IFT43: variants seen among roughly 807,000 people sequenced by gnomAD.
The protein encoded by IFT43 is intraflagellar transport 43.
IFT43 carries 33 observed loss-of-function variants against 32.3 expected under a neutral mutation model. The observed-to-expected ratio is 1.02, with a 90% confidence interval of 0.77 to 1.37. The LOEUF is 1.37. IFT43 is among the 40% of genes most tolerant of loss of function. The probability of loss-of-function intolerance (pLI) is 0.00; values close to 1 mark genes in which losing one functional copy is unlikely to be tolerated. For synonymous variants in IFT43, 93 were observed against 98.2 expected (o/e 0.95, Z 0.31); for missense variants, 274 against 265.9 (o/e 1.03, Z -0.21).
chr14:76,062,938 A>AAAAAAAGAAAAAAG lies in IFT43; in HGVS notation c.295+3568_295+3569insAAAGAAAAAAGAAA, dbSNP rs1485146040. Among the ~76,000 whole-genome samples, 352 of 120,750 alleles carry AAAAAAAGAAAAAAG rather than the reference A, an allele frequency of 2.9e-3. 20 individuals carry two copies. The highest frequency in any genetic ancestry group is 4.4e-3 in the African/African-American group (133 of 30,426). 79.2% of individuals were successfully genotyped at this position (120,750 alleles called of 152,430 possible). A position where few individuals can be genotyped will look rare whatever the true frequency, so the allele number is the denominator to read the frequency against. ...ATCTCAAAAAAAAAAAAAAAAAAAA[A>AAAAAAAGAAAAAAG]AAAGAAAATACATTAAGTCAAACCA... On this transcript the variant is annotated intron_variant, in intron 5 of 8. Coordinates refer to ENST00000314067, the MANE Select transcript of IFT43 (RefSeq NM_001102564.3).
At chr14:76,013,647 G>T in intron 2 of IFT43, 1 of 254,976 alleles carries the variant, frequency 3.9e-6, no homozygotes, top group Non-Finnish European at 8.0e-6. Context: ...AAATCATATT[G>T]CTGGGGAAAG....
intron 2 of IFT43, among the ~76,000 whole-genome samples, chr14:76,015,497 G>T (rs977084631): frequency 6.6e-6 from 1 of 152,154 alleles, no homozygotes; most frequent in Non-Finnish European, 1.5e-5. Flanking sequence ...TGGAGGAAAT[G>T]AAAAGTAGCT....
rs144944750 is a variant in IFT43, at chr14:76,018,952, C to A, written c.148-3375C>A. 9.4e-3 allele frequency among the ~76,000 whole-genome samples: 1,436 copies of A among 152,040 alleles called. 19 individuals carry two copies. The highest frequency in any genetic ancestry group is 0.032 in the African/African-American group (1,339 of 41,516). On this transcript the variant is annotated intron_variant, in intron 2 of 8. Coordinates refer to ENST00000314067, the MANE Select transcript of IFT43 (RefSeq NM_001102564.3). ...TTCTTATAGGCAGCAAATAGTGATG[C>A]TTTTTAATTTAGCCAGCCAGTTTAG...
At chr14:76,021,649 A>G (rs528006063) in intron 2 of IFT43, among the ~76,000 whole-genome samples, 129 of 152,336 alleles carry the variant, frequency 8.5e-4, no homozygotes, top group Non-Finnish European at 1.3e-3. Context: ...CCTTATTGCT[A>G]GCAATTTTGG....
At chr14:75,998,363 G>A (rs531777788) in intron 2 of IFT43, among the ~76,000 whole-genome samples, 2 of 152,278 alleles carry the variant, frequency 1.3e-5, no homozygotes, top group South Asian at 2.1e-4. Context: ...GGCTGGAGCT[G>A]GAGATTTGGA....
intron 2 of IFT43, among the ~76,000 whole-genome samples, chr14:76,016,098 A>G (rs996609837): frequency 2.0e-5 from 3 of 152,286 alleles, no homozygotes; most frequent in African/African-American, 7.2e-5. Flanking sequence ...AATAGTTTGC[A>G]GATATCTTCT....
intron 2 of IFT43, among the ~76,000 whole-genome samples, chr14:76,008,530 G>T (rs2036020296): frequency 6.6e-6 from 1 of 152,110 alleles, no homozygotes; most frequent in African/African-American, 2.4e-5. Context: ...GTGGAGATAT[G>T]ATGAGCACAA....
At chr14:76,082,539 C>T in intron 6 of IFT43, 78 bp from the exon 7 acceptor site, 1 of 1,545,546 alleles carries the variant, frequency 6.5e-7, no homozygotes, top group Middle Eastern at 1.7e-4. Flanking sequence ...ATACAAGGTT[C>T]TGGGGACGGT....
rs958491714 is a variant in IFT43, at chr14:76,083,155, G to A, written c.445-72G>A. On this transcript the variant is annotated intron_variant, in intron 7 of 8. Transcript: ENST00000314067. ...GTTCTGACACACAAAAACTGATCCC[G>A]GTTTTGTGAGAAAGAGTTGCCTGAA... 7.7e-6 allele frequency: 12 copies of A among 1,554,614 alleles called. No homozygotes were observed. In the East Asian group the frequency reaches 1.1e-4, roughly 15 times the overall value.
chr14:76,072,610 G>T (rs188225408), intron 5 of IFT43, among the ~76,000 whole-genome samples: 1 of 152,166 alleles, frequency 6.6e-6, no homozygotes, highest in Non-Finnish European at 1.5e-5. Flanking sequence ...TGTTTTAAAC[G>T]AAGCAGGTTG....
intron 2 of IFT43, among the ~76,000 whole-genome samples, chr14:75,992,088 T>C (rs2139869475): frequency 6.6e-6 from 1 of 152,256 alleles, no homozygotes; most frequent in East Asian, 1.9e-4. Context: ...CATGCTGGAG[T>C]TACTTTAGAC....
At chr14:76,035,665 T>C (rs2036585201) in intron 3 of IFT43, among the ~76,000 whole-genome samples, 1 of 152,212 alleles carries the variant, frequency 6.6e-6, no homozygotes, top group African/African-American at 2.4e-5. Flanking sequence ...ATACGTTCTG[T>C]CCTTTTAAAC....
chr14:76,023,774 G>C (rs2036339066), intron 3 of IFT43, among the ~76,000 whole-genome samples: 1 of 152,196 alleles, frequency 6.6e-6, no homozygotes, highest in African/African-American at 2.4e-5. Context: ...TCCAGATCAA[G>C]AAAAGCAATG....
intron 2 of IFT43, among the ~76,000 whole-genome samples, chr14:75,990,156 G>A (rs2035608958): frequency 6.6e-6 from 1 of 152,220 alleles, no homozygotes; most frequent in Non-Finnish European, 1.5e-5. Context: ...CCTCTAAAGG[G>A]ACAACCACTA....
chr14:76,070,330 T>G (rs893813194), intron 5 of IFT43, among the ~76,000 whole-genome samples: 1 of 152,152 alleles, frequency 6.6e-6, no homozygotes, highest in Non-Finnish European at 1.5e-5. Context: ...ATATCCTTCA[T>G]CCCTTCTTCT....
Position 75,994,291 on chromosome 14 carries a change from G to A in IFT43, c.147+5314G>A, listed in dbSNP as rs184742867. ...GATTGTCTCCATACCCACTTAGGAC[G>A]TGGTGCCAGTAGGATGCCTGTGGTT... On this transcript the variant is annotated intron_variant, in intron 2 of 8. Coordinates refer to ENST00000314067, the MANE Select transcript of IFT43 (RefSeq NM_001102564.3). Among the ~76,000 whole-genome samples the A allele has an allele frequency of 7.9e-4, 120 of 152,184 alleles. 3 individuals are homozygous for A. Among genetic ancestry groups the A allele is most frequent in the Admixed American group, 6.6e-3 (101 of 15,288 alleles).
intron 2 of IFT43, among the ~76,000 whole-genome samples, chr14:75,989,280 C>T (rs995504527): frequency 1.3e-5 from 2 of 151,510 alleles, no homozygotes. Flanking sequence ...TTTTTATTTC[C>T]GCTGAATAAA....
At chr14:76,053,043 G>A (rs935271520) in intron 3 of IFT43, among the ~76,000 whole-genome samples, 6 of 152,084 alleles carry the variant, frequency 3.9e-5, no homozygotes, top group Non-Finnish European at 8.8e-5. Context: ...TTTCTAGGTA[G>A]GTAACCTTAG....
intron 5 of IFT43, among the ~76,000 whole-genome samples, chr14:76,076,338 C>T (rs1205795147): frequency 6.6e-6 from 1 of 152,130 alleles, no homozygotes; most frequent in African/African-American, 2.4e-5. Flanking sequence ...TCTCTAGAAG[C>T]CCTTCTGAAC....
Sources: allele counts gnomAD v4.1 joint callset (sites outside exome capture counted in the v4.1 genomes callset), GRCh38; gene constraint gnomAD v4.1.1; transcripts MANE v1.5; gene names NCBI Gene and HGNC (gene_info 2026-07-23, HGNC 2026-07-21).